The following PTPRC variants were observed in gnomAD, a reference collection of about 807,000 sequenced individuals.
PTPRC encodes receptor-type tyrosine-protein phosphatase C.
Under a neutral mutation model 155.9 loss-of-function variants are expected in PTPRC, and 44 were observed. The observed-to-expected ratio is 0.28, with a 90% confidence interval of 0.22 to 0.36. The LOEUF (loss-of-function observed/expected upper bound fraction) is 0.36. Ranked by LOEUF, PTPRC falls within the 10% of genes least tolerant of loss-of-function variation. The pLI, the probability that PTPRC is intolerant of heterozygous loss-of-function variation, is 1.00. For synonymous variants in PTPRC, 525 were observed against 533.1 expected (o/e 0.98, Z 0.21); for missense variants, 1,401 against 1,564.6 (o/e 0.90, Z 1.76).
At position 198,689,580 on chromosome 1, in the gene PTPRC, T is replaced by A. The variant is rs1557998973; in HGVS notation, c.74-2767T>A. On this transcript the variant is annotated intron_variant, in intron 2 of 32. Transcript: ENST00000442510. ...TTCTCCTCTGTATTAACTGATCCAA[T>A]GGCTTCCGTCATTCTGAGGAAAAAG... Among the ~76,000 whole-genome samples the A allele has an allele frequency of 2.0e-5, 3 of 152,254 alleles. No individual in the cohort carries two copies. The South Asian group carries it at 6.2e-4, about 32-fold the overall frequency.
At chr1:198,684,354 T>C (rs1404611984) in intron 2 of PTPRC, among the ~76,000 whole-genome samples, 1 of 151,886 alleles carries the variant, frequency 6.6e-6, no homozygotes, top group Non-Finnish European at 1.5e-5. Flanking sequence ...AAAAACATTA[T>C]TGTAAATATT....
intron 2 of PTPRC, among the ~76,000 whole-genome samples, chr1:198,660,030 CATATATATATATATATATATATATATAT>C (rs34796231): frequency 8.6e-5 from 10 of 115,912 alleles, no homozygotes; most frequent in Non-Finnish European, 1.5e-4. Context: ...TATATATGTC[CATATATATATATATATATATATATATAT>C]ATATATATAT....
chr1:198,660,707 C>G (rs1257420031), intron 2 of PTPRC: 1 of 152,146 alleles, frequency 6.6e-6, no homozygotes, highest in Admixed American at 6.6e-5. Flanking sequence ...TTCCATCCTC[C>G]TGAGAAGACA....
At chr1:198,641,277 T>A (rs1287518793) in intron 2 of PTPRC, among the ~76,000 whole-genome samples, 1 of 152,090 alleles carries the variant, frequency 6.6e-6, no homozygotes, top group Non-Finnish European at 1.5e-5. Flanking sequence ...ATGTATAATT[T>A]GGAAAATTCT....
chr1:198,641,520 A>G (rs1662580974), intron 2 of PTPRC, among the ~76,000 whole-genome samples: 1 of 152,080 alleles, frequency 6.6e-6, no homozygotes, highest in Non-Finnish European at 1.5e-5. Context: ...AAATGCACAC[A>G]CGGACAAGGC....
At chr1:198,728,985 C>G (rs1452348272) in intron 16 of PTPRC, 152 bp from the exon 17 acceptor site, 19 of 802,434 alleles carry the variant, frequency 2.4e-5, no homozygotes, top group Non-Finnish European at 3.4e-5. Flanking sequence ...CCTCCCTTCC[C>G]TCCTTTCCTC....
intron 3 of PTPRC, chr1:198,694,500 T>C (rs1666098224): frequency 1.0e-6 from 1 of 1,000,920 alleles, no homozygotes; most frequent in Admixed American, 6.0e-5. Context: ...TGCATGATTT[T>C]CCTTCTAGTC....
At chr1:198,702,275 G>A in intron 5 of PTPRC, 112 bp from the exon 6 acceptor site, 1 of 1,378,822 alleles carries the variant, frequency 7.3e-7, no homozygotes, top group Non-Finnish European at 1.0e-6. Context: ...AGAAGTGCTT[G>A]AAGATTTGTT....
chr1:198,674,132 C>G (rs1664805111), intron 2 of PTPRC, among the ~76,000 whole-genome samples: 1 of 152,096 alleles, frequency 6.6e-6, no homozygotes, highest in South Asian at 2.1e-4. Flanking sequence ...TGCATTTGTT[C>G]CTCATATGCA....
chr1:198,710,852 A>G (rs776698223), intron 11 of PTPRC, among the ~76,000 whole-genome samples: 1 of 152,146 alleles, frequency 6.6e-6, no homozygotes, highest in Non-Finnish European at 1.5e-5. Flanking sequence ...GTAATTCTAA[A>G]TTTTGTTTTG....
At chr1:198,675,916 A>C (rs1571816951) in intron 2 of PTPRC, among the ~76,000 whole-genome samples, 1 of 152,308 alleles carries the variant, frequency 6.6e-6, no homozygotes, top group Non-Finnish European at 1.5e-5. Flanking sequence ...AACTGTGTCA[A>C]AGACCGAAAT....
intron 3 of PTPRC, chr1:198,695,160 G>A: frequency 1.1e-6 from 1 of 888,276 alleles, no homozygotes. Flanking sequence ...ATAAAGCTGG[G>A]TTTTTTATTT....
chr1:198,743,539 G>C (rs1655009107), intron 25 of PTPRC, among the ~76,000 whole-genome samples: 1 of 151,682 alleles, frequency 6.6e-6, no homozygotes, highest in Non-Finnish European at 1.5e-5. Context: ...AAAATAAGCA[G>C]TAAAGAGTAG....
rs557287581 is a variant in PTPRC at position 198,658,192 on chromosome 1, G to T, written c.73+18851G>T. 1.3e-5 allele frequency among the ~76,000 whole-genome samples: 2 copies of T among 152,080 alleles called. 1 individual carries two copies. Among genetic ancestry groups the T allele is most frequent in the Non-Finnish European group, 2.9e-5 (2 of 68,010 alleles). ...TGTCTTTGTATAGGCAGTGCCTATCGTTACAGAGTAGCCTTTAAATACATA... is the reference window on the plus strand; with the variant it reads ...TGTCTTTGTATAGGCAGTGCCTATCTTTACAGAGTAGCCTTTAAATACATA... On this transcript the variant is annotated intron_variant, in intron 2 of 32. Coordinates refer to ENST00000442510, the MANE Select transcript of PTPRC (RefSeq NM_002838.5).
chr1:198,640,955 T>C (rs1028751371), intron 2 of PTPRC, among the ~76,000 whole-genome samples: 2 of 151,990 alleles, frequency 1.3e-5, no homozygotes, highest in African/African-American at 4.8e-5. Context: ...TACAGGATGT[T>C]TTTTTAACCA....
chr1:198,677,499 T>C (rs1353472612), intron 2 of PTPRC, among the ~76,000 whole-genome samples: 3 of 152,028 alleles, frequency 2.0e-5, no homozygotes, highest in African/African-American at 7.2e-5. Flanking sequence ...TCATCTTCCT[T>C]TCCTACCTAA....
At chr1:198,692,680 A>G in intron 3 of PTPRC, 1 of 934,916 alleles carries the variant, frequency 1.1e-6, no homozygotes, top group Non-Finnish European at 1.3e-6. Context: ...CTATAAAAAA[A>G]TGCATTTAAA....
chr1:198,751,600 A>C (rs1655387144), intron 29 of PTPRC, among the ~76,000 whole-genome samples: 1 of 152,000 alleles, frequency 6.6e-6, no homozygotes, highest in Non-Finnish European at 1.5e-5. Context: ...TTTCCTTCAT[A>C]TAAATTGTGA....
Position 198,699,635 on chromosome 1 carries a change from A to T in PTPRC, c.370A>T (p.Thr124Ser). ...DSQTPSAGTDTQTFSGSAANA... is the reference protein window; with the variant it reads ...DSQTPSAGTDSQTFSGSAANA... ...GCAGACGCCCTCTGCTGGAACTGAC[A>T]CGCAGACATTCAGCGGCTCCGCCGC... Residue 124 changes from threonine to serine, a missense_variant, in exon 5 of 33, where the codon ACG becomes TCG. By Grantham distance (58) the Thr-to-Ser change is moderately conservative. Transcript: ENST00000442510. 6.2e-7 allele frequency: 1 copy of T among 1,614,192 alleles called. No homozygotes were observed.
Sources: allele counts gnomAD v4.1 joint callset (sites outside exome capture counted in the v4.1 genomes callset), GRCh38; gene constraint gnomAD v4.1.1; transcripts MANE v1.5; gene names NCBI Gene and HGNC (gene_info 2026-07-23, HGNC 2026-07-21).